Variants in BPTF observed in about 807,000 individuals in gnomAD.
The protein encoded by BPTF is nucleosome-remodeling factor subunit BPTF.
In BPTF, 18 loss-of-function variants were observed where a neutral mutation model predicts 292.5. That is an observed-to-expected ratio of 0.06 (90% CI 0.04 to 0.09). The LOEUF (loss-of-function observed/expected upper bound fraction) is 0.09, where lower values mean the gene tolerates loss of function less well. BPTF is among the 10% of genes least tolerant of loss of function. The pLI is 1.00. For missense variants in BPTF, 2,726 were observed against 3,498.7 expected (o/e 0.78, Z 5.57); for synonymous variants, 1,225 against 1,251.9 (o/e 0.98, Z 0.45).
At chr17:67,954,230 T>C (rs1217541503) in intron 23 of BPTF, among the ~76,000 whole-genome samples, 6 of 151,604 alleles carry the variant, frequency 4.0e-5, no homozygotes, top group Admixed American at 1.3e-4. Flanking sequence ...GTTTTTGCCA[T>C]GTTGCCCAGG....
intron 16 of BPTF, 64 bp downstream of exon 16, chr17:67,928,665 G>A (rs910724734): frequency 6.7e-7 from 1 of 1,490,838 alleles, no homozygotes. Context: ...CAACCCTTTA[G>A]CTACTGAAAT....
chr17:67,949,637 G>A (rs1598856484), intron 23 of BPTF, among the ~76,000 whole-genome samples: 2 of 31,240 alleles, frequency 6.4e-5, no homozygotes, highest in Non-Finnish European at 1.0e-4. Flanking sequence ...ATACACATAC[G>A]TACATATATA....
intron 18 of BPTF, among the ~76,000 whole-genome samples, chr17:67,938,535 AC>A (rs1253807438): frequency 1.7e-4 from 26 of 152,362 alleles, no homozygotes; most frequent in African/African-American, 5.5e-4. Context: ...ACAAATAGTT[AC>A]AGAGGCATTA....
chr17:67,854,854 G>A lies in BPTF; in HGVS notation c.1436+92G>A. On this transcript the variant is annotated intron_variant, in intron 2 of 27. Coordinates refer to ENST00000306378, the MANE Select transcript of BPTF (RefSeq NM_182641.4). This position sits in a 1 kb window ranked among gnomAD's most constrained non-coding sequence, Gnocchi z 5.6. ...GTAGCAGAGCTATGCTGTTGATGTG[G>A]TATAAACCTTTGTAACTTAATAGTT... 1.2e-6 allele frequency: 1 copy of A among 856,368 alleles called. No homozygotes were observed. Among genetic ancestry groups the A allele is most frequent in the Non-Finnish European group, 1.8e-6 (1 of 556,830 alleles). 53.0% of individuals were successfully genotyped at this position (856,368 alleles called of 1,614,324 possible). A position where few individuals can be genotyped will look rare whatever the true frequency, so the allele number is the denominator to read the frequency against.
At position 67,975,845 on chromosome 17, in the gene BPTF, C is replaced by T. The variant is rs781979416; in HGVS notation, c.8613C>T (p.Thr2871=). The T allele has an allele frequency of 1.7e-5, 27 of 1,613,808 alleles. No homozygotes were observed. The highest frequency in any genetic ancestry group is 2.2e-5 in the Non-Finnish European group (26 of 1,179,884). ...TGACGGAATTTGTGGCAGATATGAC[C>T]AAAATTTTTGATAACTGTCGTTACT... ...EKLTEFVADM[T]KIFDNCRYYN... Residue 2871 remains threonine (T), a synonymous_variant, in exon 27 of 28, where the codon ACC becomes ACT. Transcript: ENST00000306378.
Position 67,929,431 on chromosome 17 carries a change from A to G in BPTF, c.6094A>G (p.Thr2032Ala), listed in dbSNP as rs770465480. ...TFTSFQPRTA[T>A]VTIRPNTSGS... ...TACTTCATTCCAGCCCAGGACAGCA[A>G]CAGTCACAATTAGGCCCAATACCTC... Residue 2032 changes from threonine to alanine, a missense_variant, in exon 17 of 28, where the codon ACA (threonine) becomes GCA (alanine). Thr to Ala is a moderately conservative substitution (Grantham distance 58). This residue lies in a region of BPTF where 570 missense variants were observed against 633.5 expected (regional missense o/e 0.90). Transcript: ENST00000306378. 7 of 1,614,180 alleles carry G rather than the reference A, an allele frequency of 4.3e-6. No individual in the cohort carries two copies. Among genetic ancestry groups the G allele is most frequent in the Middle Eastern group, 1.6e-4 (1 of 6,062 alleles).
intron 26 of BPTF, among the ~76,000 whole-genome samples, chr17:67,972,703 C>G (rs562235111): frequency 6.6e-6 from 1 of 152,012 alleles, no homozygotes; most frequent in African/African-American, 2.4e-5. Flanking sequence ...AATATATACT[C>G]ACCTATGTGT....
At chr17:67,940,126 A>G (rs915333523) in intron 18 of BPTF, among the ~76,000 whole-genome samples, 1 of 152,202 alleles carries the variant, frequency 6.6e-6, no homozygotes, top group Non-Finnish European at 1.5e-5. Flanking sequence ...TAAATGGCAT[A>G]TTTTACACAT....
Position 67,944,352 on chromosome 17 carries a change from C to T in BPTF, c.6680C>T (p.Thr2227Ile), listed in dbSNP as rs781916187. ...ACCACAGCCAGCACCACCACCACCA[C>T]TGTTTCCACGACAGCAGCAGGTAGA... Reference protein sequence around the residue: ...TATTASTTTTTVSTTAAGTGE... With the variant: ...TATTASTTTTIVSTTAAGTGE... Residue 2227 changes from threonine to isoleucine, a missense_variant, in exon 20 of 28, where the codon ACT becomes ATT. Physicochemically the swap from Thr to Ile is moderately conservative, Grantham distance 89 (BLOSUM62 -1). Transcript: ENST00000306378. 4.3e-6 allele frequency: 7 copies of T among 1,613,330 alleles called. No homozygotes were observed. The African/African-American group carries it at 6.7e-5, about 15-fold the overall frequency.
intron 11 of BPTF, among the ~76,000 whole-genome samples, chr17:67,918,440 A>T (rs944488662): frequency 2.6e-5 from 4 of 152,190 alleles, no homozygotes; most frequent in African/African-American, 9.7e-5. Flanking sequence ...TCAACCTTAC[A>T]ATGAAACATT....
At position 67,920,029 on chromosome 17, in the gene BPTF, G is replaced by A. The variant is rs1189197829; in HGVS notation, c.5443G>A (p.Glu1815Lys). 6.2e-7 allele frequency: 1 copy of A among 1,610,348 alleles called. No homozygotes were observed. The change falls in exon 13 of 28, where the codon GAA becomes AAA. Residue 1815 changes from glutamate (E) to lysine (K), a missense_variant. Around this residue, in one of 22 missense-constraint regions of BPTF, gnomAD observed 198 missense variants for 277.1 expected, o/e 0.71. Transcript: ENST00000306378. The stretch of plus-strand genomic sequence containing the variant: ...AATCACCATAGAAACATCCGAAACT[G>A]AAATCACAACAACAGAAATAATTAA... ...GTTRTETSET[E>K]ITTTEIIKRR...
rs560802864 is a variant in BPTF, at chr17:67,975,707, C to T, written c.8540-65C>T. ...TAAACATATATACTTGTTAGAACTT[C>T]GGAGAATATTCACATTGGAAAAACC... On this transcript the variant is annotated intron_variant, in intron 26 of 27. Transcript: ENST00000306378. 69 of 1,425,482 alleles carry T rather than the reference C, an allele frequency of 4.8e-5. No individual in the cohort carries two copies. In the African/African-American group the frequency reaches 6.3e-4, roughly 13 times the overall value. 88.3% of individuals were successfully genotyped at this position (1,425,482 alleles called of 1,614,324 possible).
chr17:67,828,219 C>T (rs1322595899), intron 1 of BPTF, among the ~76,000 whole-genome samples: 4 of 152,040 alleles, frequency 2.6e-5, no homozygotes, highest in Non-Finnish European at 5.9e-5. Context: ...TGTGAGCCAC[C>T]GCGCCCAGCC....
At chr17:67,904,291 A>G (rs1219143639) in intron 8 of BPTF, among the ~76,000 whole-genome samples, 3 of 152,172 alleles carry the variant, frequency 2.0e-5, no homozygotes, top group Non-Finnish European at 4.4e-5. Context: ...TGGCCTCCCA[A>G]AGTGCTGGAA....
intron 1 of BPTF, among the ~76,000 whole-genome samples, chr17:67,838,588 T>A (rs1182864801): frequency 6.6e-6 from 1 of 152,224 alleles, no homozygotes; most frequent in Non-Finnish European, 1.5e-5. Flanking sequence ...GTGATTCTCT[T>A]GCCTCAGCCT....
At chr17:67,927,297 CAT>C (rs2063997923) in intron 15 of BPTF, among the ~76,000 whole-genome samples, 1 of 152,182 alleles carries the variant, frequency 6.6e-6, no homozygotes, top group South Asian at 2.1e-4. Context: ...TGTTGTTTTA[CAT>C]GTGTGTGGTT....
intron 14 of BPTF, among the ~76,000 whole-genome samples, 160 bp downstream of exon 14, chr17:67,923,150 G>C (rs1031743309): frequency 6.6e-6 from 1 of 150,896 alleles, no homozygotes; most frequent in African/African-American, 2.4e-5. Flanking sequence ...CTGCCTCCCA[G>C]GCTCGAGTGA....
At chr17:67,971,085 C>T (rs568674491) in intron 26 of BPTF, among the ~76,000 whole-genome samples, 16 of 151,490 alleles carry the variant, frequency 1.1e-4, no homozygotes, top group African/African-American at 3.6e-4. Flanking sequence ...ATGTAGTATA[C>T]TTTTTTTGTT....
At chr17:67,852,682 T>C (rs922556686) in intron 1 of BPTF, among the ~76,000 whole-genome samples, 2 of 152,254 alleles carry the variant, frequency 1.3e-5, no homozygotes, top group African/African-American at 4.8e-5. Context: ...ATTTCAGCTT[T>C]TGTAAACTAT....
Sources: allele counts gnomAD v4.1 joint callset (sites outside exome capture counted in the v4.1 genomes callset), GRCh38; gene constraint gnomAD v4.1.1; regional missense constraint gnomAD v4.1.1; non-coding constraint Gnocchi (gnomAD v3.1); transcripts MANE v1.5; gene names NCBI Gene and HGNC (gene_info 2026-07-23, HGNC 2026-07-21).